PCDHA8: variants seen among roughly 807,000 people sequenced by gnomAD.
PCDHA8 encodes the protein protocadherin alpha-8.
In PCDHA8, 53 loss-of-function variants were observed where a neutral mutation model predicts 61.8. The ratio of observed to expected loss-of-function variants is 0.86; its 90% CI spans 0.69 to 1.08. The LOEUF (loss-of-function observed/expected upper bound fraction) is 1.08, where lower values mean the gene tolerates loss of function less well. PCDHA8 is among the 50% of genes least tolerant of loss of function. The probability of loss-of-function intolerance (pLI) is 0.00; values close to 1 mark genes in which losing one functional copy is unlikely to be tolerated. For synonymous variants in PCDHA8, 618 were observed against 556.6 expected (o/e 1.11, Z -1.55); for missense variants, 1,293 against 1,245.0 (o/e 1.04, Z -0.58).
chr5:140,923,641 T>C (rs2081461052), intron 1 of PCDHA8, among the ~76,000 whole-genome samples: 1 of 152,230 alleles, frequency 6.6e-6, no homozygotes. Context: ...CAAAAATCTT[T>C]AGCCTCCCTT....
At chr5:140,845,671 T>C (rs1293125751) in intron 1 of PCDHA8, among the ~76,000 whole-genome samples, 5 of 149,692 alleles carry the variant, frequency 3.3e-5, no homozygotes, top group Non-Finnish European at 4.5e-5. Flanking sequence ...GTGTAGCCAT[T>C]GGTAAAGGAT....
chr5:140,987,481 G>T (rs1244029095), intron 3 of PCDHA8, among the ~76,000 whole-genome samples: 1 of 152,170 alleles, frequency 6.6e-6, no homozygotes, highest in Non-Finnish European at 1.5e-5. Flanking sequence ...TTGGGAGTCA[G>T]TGACCCTTTC....
intron 1 of PCDHA8, chr5:140,875,728 G>T: frequency 6.2e-7 from 1 of 1,614,238 alleles, no homozygotes; most frequent in East Asian, 2.2e-5. Flanking sequence ...CATTTTGTTT[G>T]TGAATTCTCG....
intron 1 of PCDHA8, chr5:140,968,611 G>A: frequency 6.2e-7 from 1 of 1,614,194 alleles, no homozygotes; most frequent in African/African-American, 1.3e-5. Flanking sequence ...CAGACTCTGG[G>A]CAAAATGCTT....
intron 1 of PCDHA8, chr5:140,881,460 G>T: frequency 1.6e-6 from 1 of 637,280 alleles, no homozygotes; most frequent in Non-Finnish European, 2.0e-6. Flanking sequence ...AAACCTTAGA[G>T]CATTGTTGTG....
intron 1 of PCDHA8, among the ~76,000 whole-genome samples, chr5:140,973,515 T>G (rs1008643152): frequency 1.4e-4 from 21 of 152,232 alleles, no homozygotes; most frequent in African/African-American, 4.8e-4. Flanking sequence ...AAAAGTTTAT[T>G]TTCTTTGGTC....
intron 1 of PCDHA8, chr5:140,927,106 A>C (rs782151576): frequency 6.2e-7 from 1 of 1,613,678 alleles, no homozygotes; most frequent in Non-Finnish European, 8.5e-7. Context: ...GGATCTACCC[A>C]GCGGCAATTT....
At chr5:140,951,685 T>C (rs1305310211) in intron 1 of PCDHA8, among the ~76,000 whole-genome samples, 4 of 152,140 alleles carry the variant, frequency 2.6e-5, no homozygotes, top group African/African-American at 9.7e-5. Flanking sequence ...GGGATTACAA[T>C]GTGACATGAG....
chr5:140,875,450 C>A, intron 1 of PCDHA8: 1 of 1,590,616 alleles, frequency 6.3e-7, no homozygotes, highest in Non-Finnish European at 8.6e-7. Context: ...ATTGTCCCAA[C>A]TCAGAGGCCC....
At chr5:140,971,181 C>T (rs1364149664) in intron 1 of PCDHA8, among the ~76,000 whole-genome samples, 1 of 152,104 alleles carries the variant, frequency 6.6e-6, no homozygotes, top group Non-Finnish European at 1.5e-5. Context: ...AGCTGTAAGC[C>T]GGAAGCTCAG....
intron 1 of PCDHA8, among the ~76,000 whole-genome samples, chr5:140,892,414 C>G (rs2063506203): frequency 6.6e-6 from 1 of 152,124 alleles, no homozygotes; most frequent in Non-Finnish European, 1.5e-5. Context: ...TTCAGGTATT[C>G]TAGATAAAAC....
intron 1 of PCDHA8, among the ~76,000 whole-genome samples, chr5:140,963,050 G>C (rs2095732681): frequency 2.6e-5 from 4 of 152,030 alleles, no homozygotes; most frequent in Admixed American, 2.6e-4. Flanking sequence ...AGTCTATAAG[G>C]GTTTCTACAT....
At chr5:140,863,208 C>T in intron 1 of PCDHA8, 2 of 990,676 alleles carry the variant, frequency 2.0e-6, no homozygotes, top group Non-Finnish European at 3.1e-6. Context: ...TGGCGGAGAG[C>T]AGCCAAGCGA....
At chr5:140,996,933 T>G (rs2097753695) in intron 3 of PCDHA8, among the ~76,000 whole-genome samples, 1 of 152,186 alleles carries the variant, frequency 6.6e-6, no homozygotes, top group African/African-American at 2.4e-5. Flanking sequence ...ATATAGCATT[T>G]TTGCATAGAA....
At chr5:141,005,192 TTTCA>T (rs1554259924) in intron 3 of PCDHA8, among the ~76,000 whole-genome samples, 1 of 152,220 alleles carries the variant, frequency 6.6e-6, no homozygotes, top group African/African-American at 2.4e-5. Context: ...ACATCAGTCC[TTTCA>T]TTCATTCATC....
At chr5:140,961,313 G>A (rs2095603813) in intron 1 of PCDHA8, among the ~76,000 whole-genome samples, 1 of 152,118 alleles carries the variant, frequency 6.6e-6, no homozygotes, top group Admixed American at 6.5e-5. Flanking sequence ...TGATTTACCA[G>A]GCTCTGTTTC....
At position 140,976,923 on chromosome 5, in the gene PCDHA8, C is replaced by T. The variant is rs2096737530; in HGVS notation, c.2395-2026C>T. Among the ~76,000 whole-genome samples the T allele has an allele frequency of 2.0e-5, 3 of 152,236 alleles. No individual in the cohort carries two copies. The South Asian group carries it at 6.2e-4, about 32-fold the overall frequency. On this transcript the variant is annotated intron_variant, in intron 1 of 3. Transcript: ENST00000531613. The stretch of plus-strand genomic sequence containing the variant: ...ATGTAATAAAGTGCAAAATCTAGTA[C>T]TGTGTAGCTACTTAAAACATATTAT...
intron 1 of PCDHA8, among the ~76,000 whole-genome samples, chr5:140,943,364 C>T (rs1463652865): frequency 6.6e-6 from 1 of 150,620 alleles, no homozygotes; most frequent in Non-Finnish European, 1.5e-5. Context: ...GAAAGGAGAT[C>T]ATTAAAATAT....
chr5:140,941,639 TC>T (rs2093135030), intron 1 of PCDHA8, among the ~76,000 whole-genome samples: 1 of 152,044 alleles, frequency 6.6e-6, no homozygotes, highest in Non-Finnish European at 1.5e-5. Context: ...ATTTCTGTCT[TC>T]CTACAACTTA....
Sources: gnomAD v4.1 joint callset for allele counts (sites outside exome capture counted in the v4.1 genomes callset) on GRCh38, gnomAD v4.1.1 for gene constraint, MANE v1.5 for transcripts, NCBI Gene and HGNC (gene_info 2026-07-23, HGNC 2026-07-21) for gene names.